C12orf42: variants seen among roughly 807,000 people sequenced by gnomAD.
C12orf42 encodes the protein chromosome 12 open reading frame 42, also known as uncharacterized protein C12orf42.
Under a neutral mutation model 21.6 loss-of-function variants are expected in C12orf42, and 25 were observed. The ratio of observed to expected loss-of-function variants is 1.16; its 90% CI spans 0.84 to 1.62. The LOEUF (loss-of-function observed/expected upper bound fraction) is 1.62, where lower values mean the gene tolerates loss of function less well. Among genes scored for constraint, C12orf42 ranks in the 40% most tolerant of loss-of-function variants. The pLI is 0.00. For synonymous variants in C12orf42, 174 were observed against 175.0 expected (o/e 0.99, Z 0.05); for missense variants, 483 against 459.3 (o/e 1.05, Z -0.47).
the C12orf42 span, chr12:103,550,729 T>A: frequency 6.6e-6 from 1 of 152,158 alleles, no homozygotes; most frequent in Non-Finnish European, 1.5e-5. Flanking sequence ...AAGTTAGCCT[T>A]TTGTACGTTT....
chr12:103,404,770 T>G (rs1184044300), intron 2 of C12orf42, among the ~76,000 whole-genome samples: 1 of 152,068 alleles, frequency 6.6e-6, no homozygotes, highest in Non-Finnish European at 1.5e-5. Context: ...AGAGGCAAGT[T>G]ATGAAAAAAT....
the C12orf42 span, among the ~76,000 whole-genome samples, chr12:103,099,995 A>G: frequency 6.6e-6 from 1 of 152,158 alleles, no homozygotes; most frequent in Non-Finnish European, 1.5e-5. Context: ...AGATGGAATA[A>G]TTTACCCAAG....
intron 10 of C12orf42, among the ~76,000 whole-genome samples, chr12:103,238,951 G>T (rs1201232255): frequency 6.6e-6 from 1 of 152,206 alleles, no homozygotes; most frequent in Non-Finnish European, 1.5e-5. Context: ...ACCATGGCTG[G>T]CAGCTGAGGA....
At chr12:103,387,587 G>T (rs999398671) in intron 3 of C12orf42, among the ~76,000 whole-genome samples, 1 of 152,220 alleles carries the variant, frequency 6.6e-6, no homozygotes, top group African/African-American at 2.4e-5. Flanking sequence ...GTCAACCAGG[G>T]ATGGCGGTTG....
the C12orf42 span, among the ~76,000 whole-genome samples, chr12:103,114,413 A>G: frequency 6.6e-6 from 1 of 152,050 alleles, no homozygotes; most frequent in Non-Finnish European, 1.5e-5. Context: ...TGGAGCAGTA[A>G]CGGCATCAAT....
chr12:103,380,137 T>C (rs1253889185), intron 3 of C12orf42, among the ~76,000 whole-genome samples: 3 of 152,224 alleles, frequency 2.0e-5, no homozygotes, highest in African/African-American at 4.8e-5. Flanking sequence ...GATAATTTCA[T>C]TATCTAGTAA....
At chr12:103,515,267 C>T in the C12orf42 span, among the ~76,000 whole-genome samples, 1 of 152,270 alleles carries the variant, frequency 6.6e-6, no homozygotes, top group East Asian at 1.9e-4. Flanking sequence ...AATATTGTTG[C>T]TGTTTTACAT....
At chr12:103,251,164 G>C (rs1014463552) in intron 10 of C12orf42, among the ~76,000 whole-genome samples, 1 of 151,580 alleles carries the variant, frequency 6.6e-6, no homozygotes, top group African/African-American at 2.4e-5. Flanking sequence ...TGGCATGAAA[G>C]GCTGGCACCA....
Position 103,367,928 on chromosome 12 carries a change from T to C in C12orf42, c.259+959A>G, listed in dbSNP as rs572305279. The C allele has an allele frequency of 3.8e-5, 21 of 551,080 alleles. No homozygotes were observed. In the African/African-American group the frequency reaches 4.0e-4, roughly 10 times the overall value. The allele number at this position is 551,080 out of a possible 1,614,324, so 34.1% of individuals were successfully genotyped here. On this transcript the variant is annotated intron_variant, in intron 4 of 5. Coordinates refer to ENST00000548883, the MANE Select transcript of C12orf42 (RefSeq NM_198521.5). Reference sequence around the variant, plus strand: ...GGCCCTGATATGAATACATATGTAATGAATTTTATTAGCATATAAATATAA... The same window carrying C: ...GGCCCTGATATGAATACATATGTAACGAATTTTATTAGCATATAAATATAA...
At chr12:103,146,756 C>T in the C12orf42 span, among the ~76,000 whole-genome samples, 103 of 152,230 alleles carry the variant, frequency 6.8e-4, no homozygotes, top group African/African-American at 2.4e-3. Context: ...AGACAAAGAA[C>T]AATGTTATTT....
chr12:103,140,654 C>T, the C12orf42 span, among the ~76,000 whole-genome samples: 3 of 151,968 alleles, frequency 2.0e-5, no homozygotes, highest in South Asian at 6.2e-4. Context: ...GCCTTACTTA[C>T]AAGACAAAAA....
At chr12:103,255,809 T>C (rs1419080645) in intron 10 of C12orf42, among the ~76,000 whole-genome samples, 1 of 151,350 alleles carries the variant, frequency 6.6e-6, no homozygotes, top group African/African-American at 2.4e-5. Flanking sequence ...CCCAGCACTT[T>C]GGGAGGCCGA....
the C12orf42 span, chr12:103,167,893 TGTG>T: frequency 3.3e-6 from 1 of 303,816 alleles, no homozygotes; most frequent in East Asian, 1.2e-4. Flanking sequence ...TGTGTGTGTG[TGTG>T]TGTGTGTGTG....
intron 4 of C12orf42, among the ~76,000 whole-genome samples, chr12:103,287,708 T>TA (rs1213203462): frequency 3.0e-3 from 334 of 111,254 alleles, no homozygotes; most frequent in South Asian, 5.6e-3. Flanking sequence ...AGTATAATAA[T>TA]AAAAAAAAAA....
In C12orf42 at chr12:103,449,434, A is replaced by G. The variant is rs1951799956; in HGVS notation, c.78+28915T>C. Among the ~76,000 whole-genome samples the G allele has an allele frequency of 2.0e-5, 3 of 152,002 alleles. No homozygotes were observed. The South Asian group carries it at 6.2e-4, about 31-fold the overall frequency. ...ATGCACCAAAATCTCAGAAATCACC[A>G]CTAAAGAACTTATTCATGTAACCAA... On this transcript the variant is annotated intron_variant, in intron 2 of 5. Transcript: ENST00000548883.
At chr12:103,518,168 C>T in the C12orf42 span, among the ~76,000 whole-genome samples, 5 of 152,208 alleles carry the variant, frequency 3.3e-5, no homozygotes, top group Non-Finnish European at 7.3e-5. Flanking sequence ...AGGCCTGCCA[C>T]AGTCTACTGA....
chr12:103,072,944 T>A, the C12orf42 span, among the ~76,000 whole-genome samples: 1 of 152,182 alleles, frequency 6.6e-6, no homozygotes, highest in African/African-American at 2.4e-5. Context: ...CCATCAATGA[T>A]AGACTGGATA....
chr12:103,395,309 T>A (rs553169752), intron 3 of C12orf42, among the ~76,000 whole-genome samples: 2 of 151,844 alleles, frequency 1.3e-5, no homozygotes, highest in African/African-American at 2.4e-5. Context: ...AGAACACTAA[T>A]AGAAATGTGG....
chr12:103,280,819 T>G (rs934685602), intron 4 of C12orf42, among the ~76,000 whole-genome samples: 2 of 152,202 alleles, frequency 1.3e-5, no homozygotes, highest in Non-Finnish European at 2.9e-5. Context: ...TCTCTTCAGC[T>G]CATGGAGTGA....
Sources: gnomAD v4.1 joint callset for allele counts (sites outside exome capture counted in the v4.1 genomes callset) on GRCh38, gnomAD v4.1.1 for gene constraint, MANE v1.5 for transcripts, NCBI Gene and HGNC (gene_info 2026-07-23, HGNC 2026-07-21) for gene names.